FRMPD4: variants seen among roughly 807,000 people sequenced by gnomAD.
FRMPD4 encodes the protein FERM and PDZ domain-containing protein 4.
Under a neutral mutation model 94.1 loss-of-function variants are expected in FRMPD4, and 22 were observed. The ratio of observed to expected loss-of-function variants is 0.23; its 90% confidence interval spans 0.17 to 0.33. The LOEUF is 0.33. Ranked by LOEUF, FRMPD4 falls within the 10% of genes least tolerant of loss-of-function variation. The pLI is 1.00. For missense variants in FRMPD4, 1,111 were observed against 1,339.9 expected (o/e 0.83, Z 2.67); for synonymous variants, 631 against 548.6 (o/e 1.15, Z -2.10).
chrX:12,108,252 G>C (rs909554872), intron 3 of FRMPD4, among the ~76,000 whole-genome samples: 3 of 111,909 alleles, frequency 2.7e-5, no homozygotes, highest in Non-Finnish European at 1.9e-5. Context: ...AGCCAGAAGA[G>C]AGTGGGGGCC....
intron 1 of FRMPD4, among the ~76,000 whole-genome samples, chrX:12,231,037 T>TAAA (rs2056996062): frequency 3.2e-5 from 2 of 62,310 alleles, no homozygotes; most frequent in African/African-American, 1.3e-4. Flanking sequence ...ATAGTATATA[T>TAAA]ATATATATAT....
intron 3 of FRMPD4, among the ~76,000 whole-genome samples, chrX:12,610,179 T>C: frequency 1.8e-5 from 2 of 111,734 alleles, no homozygotes; most frequent in Middle Eastern, 9.2e-3. Context: ...TGTACTGTAT[T>C]ACAGTAAGCC....
chrX:12,356,804 C>G (rs1000271540), intron 1 of FRMPD4, among the ~76,000 whole-genome samples: 19 of 111,747 alleles, frequency 1.7e-4, no homozygotes, highest in African/African-American at 5.5e-4. Context: ...CTGTATTGAA[C>G]AGCACCAATT....
chrX:12,657,156 G>T (rs753795395), intron 4 of FRMPD4, among the ~76,000 whole-genome samples: 6 of 111,175 alleles, frequency 5.4e-5, no homozygotes, highest in Non-Finnish European at 1.1e-4. Flanking sequence ...CACCTTTCCT[G>T]TGGATCAGGA....
chrX:12,139,931 C>A (rs2055667366), intron 1 of FRMPD4, among the ~76,000 whole-genome samples: 1 of 111,944 alleles, frequency 8.9e-6, no homozygotes. Flanking sequence ...TGGGTTTTTC[C>A]AGGATGTAGC....
intron 3 of FRMPD4, among the ~76,000 whole-genome samples, chrX:12,116,999 C>A (rs1172339827): frequency 8.9e-6 from 1 of 111,758 alleles, no homozygotes; most frequent in Non-Finnish European, 1.9e-5. Context: ...TCTTCCTGTG[C>A]CAGAGAACTG....
intron 1 of FRMPD4, among the ~76,000 whole-genome samples, chrX:12,240,602 C>CT (rs1287781088): frequency 8.9e-6 from 1 of 112,299 alleles, no homozygotes; most frequent in Non-Finnish European, 1.9e-5. Context: ...GCTCATCACA[C>CT]TTTATTTCCT....
At chrX:11,874,931 T>C (rs2053775107) in intron 2 of FRMPD4, among the ~76,000 whole-genome samples, 2 of 111,243 alleles carry the variant, frequency 1.8e-5, no homozygotes, top group African/African-American at 3.3e-5. Context: ...CTTAACAGGA[T>C]TGGCACTAAA....
At chrX:12,326,576 C>T (rs1401218738) in intron 1 of FRMPD4, among the ~76,000 whole-genome samples, 1 of 111,870 alleles carries the variant, frequency 8.9e-6, no homozygotes, top group Non-Finnish European at 1.9e-5. Context: ...CCTAGGGGTG[C>T]TGAGAAATCT....
rs58794898 is a variant in FRMPD4 at position 12,305,725 on chromosome X, G to GTTTTTTTTTTTTTTTTTTT, written c.41+166717_41+166735dup. The stretch of plus-strand genomic sequence containing the variant: ...GGCATGTACCACCACAGCTGGCTAA[G>GTTTTTTTTTTTTTTTTTTT]TTTTTTTTTTTTTTTTTTTTTTACA... On this transcript the variant is annotated intron_variant, in intron 1 of 16. Coordinates refer to ENST00000675598, the MANE Select transcript of FRMPD4 (RefSeq NM_001368397.1). Among the ~76,000 whole-genome samples, 22 of 59,697 alleles carry GTTTTTTTTTTTTTTTTTTT rather than the reference G, an allele frequency of 3.7e-4. 2 individuals are homozygous for GTTTTTTTTTTTTTTTTTTT. The highest frequency in any genetic ancestry group is 1.4e-3 in the East Asian group (2 of 1,446). The allele number at this position is 59,697 out of a possible 115,157, so 51.8% of individuals were successfully genotyped here.
At chrX:12,008,647 C>T (rs2054566168) in intron 3 of FRMPD4, among the ~76,000 whole-genome samples, 1 of 111,631 alleles carries the variant, frequency 9.0e-6, no homozygotes, top group African/African-American at 3.3e-5. Context: ...GGGTGTAGCC[C>T]ATCATGCAGC....
intron 1 of FRMPD4, among the ~76,000 whole-genome samples, chrX:12,450,726 G>A (rs186400221): frequency 3.7e-4 from 41 of 110,283 alleles, no homozygotes; most frequent in Non-Finnish European, 1.3e-4. Flanking sequence ...AACTGCCATA[G>A]TTTTCCTCAA....
intron 1 of FRMPD4, among the ~76,000 whole-genome samples, chrX:12,413,352 T>C (rs1402915615): frequency 1.8e-5 from 2 of 112,326 alleles, no homozygotes; most frequent in Admixed American, 9.4e-5. Flanking sequence ...TTGTTTTCTC[T>C]TCCCAGCATA....
At chrX:12,400,581 A>C (rs1446057925) in intron 1 of FRMPD4, among the ~76,000 whole-genome samples, 1 of 111,845 alleles carries the variant, frequency 8.9e-6, no homozygotes, top group Non-Finnish European at 1.9e-5. Flanking sequence ...TTTTACCCCT[A>C]CTCTTGAGAT....
At chrX:12,665,673 C>T (rs753924582) in intron 4 of FRMPD4, among the ~76,000 whole-genome samples, 37 of 112,064 alleles carry the variant, frequency 3.3e-4, no homozygotes, top group Admixed American at 8.5e-4. Flanking sequence ...TCCAGCCACA[C>T]TAAGCTTCAT....
chrX:11,853,553 CT>C (rs1196739026), intron 1 of FRMPD4, among the ~76,000 whole-genome samples: 1 of 111,306 alleles, frequency 9.0e-6, no homozygotes, highest in African/African-American at 3.3e-5. Context: ...GATATTACCA[CT>C]TACCCAACAG....
intron 1 of FRMPD4, among the ~76,000 whole-genome samples, chrX:12,187,090 T>C (rs978945245): frequency 2.7e-5 from 3 of 111,926 alleles, no homozygotes; most frequent in Non-Finnish European, 5.6e-5. Flanking sequence ...CAAATAAATA[T>C]GATTTTTTGA....
chrX:12,548,311 T>C (rs1223514722), intron 2 of FRMPD4, among the ~76,000 whole-genome samples: 1 of 112,318 alleles, frequency 8.9e-6, no homozygotes, highest in Non-Finnish European at 1.9e-5. Context: ...AATCCTTAAA[T>C]TGGGTATAAG....
At chrX:12,694,906 AG>A (rs1286366475) in intron 9 of FRMPD4, among the ~76,000 whole-genome samples, 3 of 112,561 alleles carry the variant, frequency 2.7e-5, no homozygotes, top group Non-Finnish European at 5.6e-5. Flanking sequence ...AAATCAGGAA[AG>A]TAAACATTGA....
Sources: allele counts gnomAD v4.1 joint callset (sites outside exome capture counted in the v4.1 genomes callset), GRCh38; gene constraint gnomAD v4.1.1; transcripts MANE v1.5; gene names NCBI Gene and HGNC (gene_info 2026-07-23, HGNC 2026-07-21).